Variants in RASA2 observed in about 807,000 individuals in gnomAD.
RASA2 encodes RAS p21 protein activator 2.
Under a neutral mutation model 118.2 loss-of-function variants are expected in RASA2, and 155 were observed. The ratio of observed to expected loss-of-function variants is 1.31; its 90% CI spans 1.15 to 1.50. The LOEUF is 1.50. Ranked by LOEUF, RASA2 falls within the 40% of genes most tolerant of loss-of-function variation. The pLI is 0.00. For synonymous variants in RASA2, 353 were observed against 349.1 expected (o/e 1.01, Z -0.12); for missense variants, 1,016 against 1,009.6 (o/e 1.01, Z -0.09).
chr3:141,606,509 T>C (rs932549322), intron 19 of RASA2, among the ~76,000 whole-genome samples: 2 of 152,144 alleles, frequency 1.3e-5, no homozygotes, highest in Non-Finnish European at 2.9e-5. Flanking sequence ...GCATACTCCT[T>C]TAGGAGCCTT....
chr3:141,492,983 A>G (rs1004662772), intron 1 of RASA2, among the ~76,000 whole-genome samples: 2 of 152,186 alleles, frequency 1.3e-5, no homozygotes, highest in Admixed American at 1.3e-4. Flanking sequence ...TTCTTAGACA[A>G]TTATAGAAAT....
intron 4 of RASA2, among the ~76,000 whole-genome samples, chr3:141,530,774 T>A (rs528115379): frequency 6.6e-6 from 1 of 152,174 alleles, no homozygotes; most frequent in East Asian, 1.9e-4. Flanking sequence ...TTTTCCTGTT[T>A]AACCTACTTT....
intron 5 of RASA2, among the ~76,000 whole-genome samples, chr3:141,544,160 G>A (rs1310828037): frequency 6.6e-6 from 1 of 152,060 alleles, no homozygotes; most frequent in Non-Finnish European, 1.5e-5. Flanking sequence ...ATAGGTGTAA[G>A]CCACCACGCC....
intron 17 of RASA2, among the ~76,000 whole-genome samples, chr3:141,584,901 CTGAT>C (rs2083175780): frequency 1.3e-5 from 2 of 151,822 alleles, no homozygotes; most frequent in South Asian, 4.2e-4. Context: ...TTTTTTTTAA[CTGAT>C]TGAGCATCCC....
At chr3:141,493,966 G>A (rs1367384014) in intron 1 of RASA2, among the ~76,000 whole-genome samples, 3 of 152,034 alleles carry the variant, frequency 2.0e-5, no homozygotes, top group African/African-American at 7.3e-5. Context: ...TAACAACATA[G>A]CTTGAAGATT....
chr3:141,598,522 TTC>T (rs1577813480), intron 19 of RASA2, among the ~76,000 whole-genome samples: 1 of 152,194 alleles, frequency 6.6e-6, no homozygotes, highest in African/African-American at 2.4e-5. Context: ...CTTTAATAAA[TTC>T]TGTTCAATAC....
intron 13 of RASA2, 133 bp from the exon 14 acceptor site, chr3:141,573,811 G>A (rs2151132016): frequency 1.5e-6 from 1 of 656,800 alleles, no homozygotes; most frequent in African/African-American, 1.9e-5. Flanking sequence ...TTTGGAAAAG[G>A]GTAACAGTAC....
At chr3:141,589,627 G>A (rs1448727314) in intron 19 of RASA2, among the ~76,000 whole-genome samples, 1 of 152,122 alleles carries the variant, frequency 6.6e-6, no homozygotes, top group Non-Finnish European at 1.5e-5. Context: ...CGGATCATGA[G>A]GCCAGGAGAT....
intron 1 of RASA2, among the ~76,000 whole-genome samples, chr3:141,495,385 A>G (rs904227796): frequency 6.6e-6 from 1 of 152,212 alleles, no homozygotes; most frequent in Non-Finnish European, 1.5e-5. Context: ...TGTCCAGATT[A>G]TATAAATAAT....
intron 1 of RASA2, among the ~76,000 whole-genome samples, chr3:141,491,380 T>A (rs1044904570): frequency 1.3e-5 from 2 of 152,226 alleles, no homozygotes; most frequent in Non-Finnish European, 2.9e-5. Flanking sequence ...CCTTGCTCAT[T>A]TCCTTATTAT....
At chr3:141,587,820 A>G (rs1316233240) in intron 19 of RASA2, among the ~76,000 whole-genome samples, 3 of 152,104 alleles carry the variant, frequency 2.0e-5, no homozygotes, top group Admixed American at 6.5e-5. Flanking sequence ...TATATAGTAG[A>G]ATCCCTTCTG....
intron 4 of RASA2, among the ~76,000 whole-genome samples, chr3:141,531,678 T>G (rs2082263035): frequency 6.6e-6 from 1 of 152,062 alleles, no homozygotes; most frequent in African/African-American, 2.4e-5. Flanking sequence ...TTTTCATGAC[T>G]GTGAGTTATT....
intron 15 of RASA2, among the ~76,000 whole-genome samples, chr3:141,579,142 A>G (rs2083060043): frequency 1.3e-5 from 2 of 152,126 alleles, no homozygotes; most frequent in African/African-American, 4.8e-5. Context: ...CTAAAATATC[A>G]AGGAATGGGA....
chr3:141,548,612 T>C (rs2082523327), intron 5 of RASA2, among the ~76,000 whole-genome samples: 1 of 152,208 alleles, frequency 6.6e-6, no homozygotes, highest in African/African-American at 2.4e-5. Context: ...TTAGTATTGC[T>C]AAAGGCATGG....
intron 4 of RASA2, among the ~76,000 whole-genome samples, chr3:141,536,312 T>C (rs763914604): frequency 2.6e-5 from 4 of 152,162 alleles, no homozygotes; most frequent in Non-Finnish European, 5.9e-5. Context: ...GTGAGACTTA[T>C]TCACTATTAC....
Position 141,571,142 on chromosome 3 carries a change from T to C in RASA2, c.1020+74T>C, listed in dbSNP as rs929058180. On this transcript the variant is annotated intron_variant, in intron 10 of 23. Transcript: ENST00000286364. ...AATTCTATAAATGATAAGGAAAAGATTTCAAGAGTATCAAGTCTTATTAAA... is the reference window on the plus strand; with the variant it reads ...AATTCTATAAATGATAAGGAAAAGACTTCAAGAGTATCAAGTCTTATTAAA... The C allele has an allele frequency of 2.3e-5, 33 of 1,435,450 alleles. No homozygotes were observed. The Admixed American group carries it at 8.1e-4, about 35-fold the overall frequency. The allele number at this position is 1,435,450 out of a possible 1,614,324, so 88.9% of individuals were successfully genotyped here.
rs554125302 is a variant in RASA2 at position 141,574,199 on chromosome 3, A to T, written c.1483+132A>T. 1.7e-3 allele frequency: 974 copies of T among 572,766 alleles called. 2 individuals are homozygous for T. The highest frequency in any genetic ancestry group is 2.0e-3 in the Non-Finnish European group (880 of 431,978). The allele number at this position is 572,766 out of a possible 1,614,324, so 35.5% of individuals were successfully genotyped here. On this transcript the variant is annotated intron_variant, in intron 14 of 23. Transcript: ENST00000286364. ...ATTTATTTTTATTTTATTTTATTTT[A>T]TTTTTTTTGAGACGGAGTCTTGCTC... is the stretch of plus-strand genomic sequence containing the variant.
intron 4 of RASA2, among the ~76,000 whole-genome samples, chr3:141,532,287 C>T (rs140530804): frequency 1.3e-5 from 2 of 152,144 alleles, no homozygotes; most frequent in Non-Finnish European, 2.9e-5. Flanking sequence ...GCCTTTACTA[C>T]CTTTCACCAT....
At chr3:141,550,039 T>G (rs1481088783) in intron 5 of RASA2, among the ~76,000 whole-genome samples, 2 of 152,182 alleles carry the variant, frequency 1.3e-5, no homozygotes, top group Admixed American at 6.5e-5. Flanking sequence ...AAAGGACTGA[T>G]TTTTCCTATA....
Sources: allele counts gnomAD v4.1 joint callset (sites outside exome capture counted in the v4.1 genomes callset), GRCh38; gene constraint gnomAD v4.1.1; transcripts MANE v1.5; gene names NCBI Gene and HGNC (gene_info 2026-07-23, HGNC 2026-07-21).